CADM2: variants seen among roughly 807,000 people sequenced by gnomAD.
CADM2 encodes the protein cell adhesion molecule 2, also known as immunoglobulin superfamily member 4D.
Under a neutral mutation model 49.8 loss-of-function variants are expected in CADM2, and 12 were observed. The observed-to-expected ratio is 0.24, with a 90% CI of 0.15 to 0.39. The LOEUF (loss-of-function observed/expected upper bound fraction) is 0.39. CADM2 is among the 10% of genes least tolerant of loss of function. CADM2 has a pLI of 1.00. For missense variants in CADM2, 378 were observed against 492.3 expected (o/e 0.77, Z 2.20); for synonymous variants, 214 against 175.4 (o/e 1.22, Z -1.74).
At chr3:85,376,268 G>A (rs141639494) in intron 1 of CADM2, among the ~76,000 whole-genome samples, 1 of 152,112 alleles carries the variant, frequency 6.6e-6, no homozygotes, top group Non-Finnish European at 1.5e-5. Context: ...ATATCCCAAT[G>A]GGATTTAATA....
chr3:85,202,031 G>T (rs1427242249), intron 1 of CADM2, among the ~76,000 whole-genome samples: 5 of 137,100 alleles, frequency 3.6e-5, no homozygotes, highest in Non-Finnish European at 6.1e-5. Flanking sequence ...AATGAACCGA[G>T]ATCGCACCAC....
At chr3:85,496,838 T>A (rs893360327) in intron 1 of CADM2, among the ~76,000 whole-genome samples, 1 of 152,166 alleles carries the variant, frequency 6.6e-6, no homozygotes, top group Non-Finnish European at 1.5e-5. Flanking sequence ...CTTGTATGTC[T>A]TTATTTATTT....
intron 1 of CADM2, among the ~76,000 whole-genome samples, chr3:85,204,654 C>A (rs943678701): frequency 2.0e-4 from 30 of 152,146 alleles, no homozygotes; most frequent in Non-Finnish European, 3.7e-4. Context: ...AAAACAAATT[C>A]ATGGTACCAA....
chr3:85,494,288 A>G (rs2039795425), intron 1 of CADM2, among the ~76,000 whole-genome samples: 1 of 152,194 alleles, frequency 6.6e-6, no homozygotes, highest in African/African-American at 2.4e-5. Context: ...ATATTTTAAA[A>G]AACATCACAG....
intron 1 of CADM2, among the ~76,000 whole-genome samples, chr3:85,315,913 A>C (rs918465153): frequency 3.3e-5 from 5 of 152,268 alleles, no homozygotes; most frequent in Admixed American, 2.0e-4. Context: ...ACATGCATAC[A>C]CACGCCTATG....
intron 8 of CADM2, among the ~76,000 whole-genome samples, chr3:85,985,676 G>C (rs1264036699): frequency 1.3e-5 from 2 of 151,624 alleles, no homozygotes; most frequent in African/African-American, 4.8e-5. Context: ...ATGAATTTAG[G>C]GATCTGTTTG....
intron 8 of CADM2, among the ~76,000 whole-genome samples, chr3:85,975,484 A>G (rs554915126): frequency 1.3e-5 from 2 of 151,444 alleles, no homozygotes; most frequent in Non-Finnish European, 3.0e-5. Context: ...TTTATGTATA[A>G]TTACTAATTT....
chr3:85,293,918 A>G (rs2043875877), intron 1 of CADM2, among the ~76,000 whole-genome samples: 1 of 151,996 alleles, frequency 6.6e-6, no homozygotes, highest in Non-Finnish European at 1.5e-5. Context: ...TATTCAACAT[A>G]GTGTTGGAAG....
At chr3:85,585,181 T>C (rs2062905296) in intron 1 of CADM2, among the ~76,000 whole-genome samples, 1 of 151,994 alleles carries the variant, frequency 6.6e-6, no homozygotes, top group African/African-American at 2.4e-5. Context: ...TGAAACCACC[T>C]GGCCATAAGT....
At chr3:85,351,620 T>C (rs2031359603) in intron 1 of CADM2, among the ~76,000 whole-genome samples, 1 of 151,704 alleles carries the variant, frequency 6.6e-6, no homozygotes, top group Non-Finnish European at 1.5e-5. Flanking sequence ...CTCCCAAATA[T>C]GTAAAGTTTA....
intron 8 of CADM2, chr3:86,027,824 G>C (rs148976709): frequency 6.6e-6 from 1 of 151,876 alleles, no homozygotes; most frequent in Non-Finnish European, 1.5e-5. Context: ...CACTGGGAGA[G>C]CCTCCATGAA....
At chr3:85,971,392 G>A (rs558815583) in intron 8 of CADM2, among the ~76,000 whole-genome samples, 1 of 151,794 alleles carries the variant, frequency 6.6e-6, no homozygotes, top group Non-Finnish European at 1.5e-5. Context: ...AGATGAGGAA[G>A]CATAGATGCA....
chr3:85,993,265 A>AT, intron 8 of CADM2: 1 of 152,206 alleles, frequency 6.6e-6, no homozygotes, highest in Non-Finnish European at 1.5e-5. Flanking sequence ...TTAAGAAATC[A>AT]TTTTATTTGC....
chr3:85,700,155 A>G (rs1431532402), intron 1 of CADM2, among the ~76,000 whole-genome samples: 1 of 152,228 alleles, frequency 6.6e-6, no homozygotes, highest in Non-Finnish European at 1.5e-5. Context: ...CTATGCAGCC[A>G]TAAAAAAGAA....
chr3:85,483,640 T>TTA (rs1402919597), intron 1 of CADM2, among the ~76,000 whole-genome samples: 1 of 150,274 alleles, frequency 6.7e-6, no homozygotes, highest in African/African-American at 2.4e-5. Context: ...TGTAGTCAAG[T>TTA]TATATATATG....
chr3:86,006,376 A>G (rs1446940456), intron 8 of CADM2, among the ~76,000 whole-genome samples: 1 of 152,188 alleles, frequency 6.6e-6, no homozygotes, highest in African/African-American at 2.4e-5. Flanking sequence ...AGAGTTTAGA[A>G]GTACATATGT....
chr3:85,917,127 C>G (rs1250746875), intron 6 of CADM2, among the ~76,000 whole-genome samples: 2 of 152,064 alleles, frequency 1.3e-5, no homozygotes, highest in African/African-American at 4.8e-5. Context: ...TGCCTGTTCA[C>G]TCTGATGGTA....
At chr3:85,479,532 G>A (rs929959331) in intron 1 of CADM2, among the ~76,000 whole-genome samples, 3 of 152,010 alleles carry the variant, frequency 2.0e-5, no homozygotes, top group African/African-American at 4.8e-5. Context: ...TAGCAAGAGA[G>A]TACTGGAGCA....
intron 1 of CADM2, among the ~76,000 whole-genome samples, chr3:85,296,274 T>G (rs1480322461): frequency 2.6e-5 from 4 of 152,054 alleles, no homozygotes; most frequent in Non-Finnish European, 5.9e-5. Flanking sequence ...TCAGTAGTAA[T>G]GTTCTGAATA....
Sources: gnomAD v4.1 joint callset for allele counts (sites outside exome capture counted in the v4.1 genomes callset) on GRCh38, gnomAD v4.1.1 for gene constraint, MANE v1.5 for transcripts, NCBI Gene and HGNC (gene_info 2026-07-23, HGNC 2026-07-21) for gene names.